Variants in SGF29 observed in about 807,000 individuals in gnomAD.
SGF29 encodes SAGA complex associated factor 29.
In SGF29, 15 loss-of-function variants were observed where a neutral mutation model predicts 38.1. That is an observed-to-expected ratio of 0.39 (90% CI 0.26 to 0.61). The LOEUF (loss-of-function observed/expected upper bound fraction) is 0.61. Ranked by LOEUF, SGF29 falls within the 20% of genes least tolerant of loss-of-function variation. SGF29 has a pLI of 0.49. For synonymous variants in SGF29, 151 were observed against 160.8 expected (o/e 0.94, Z 0.46); for missense variants, 184 against 394.6 (o/e 0.47, Z 4.52).
intron 2 of SGF29, among the ~76,000 whole-genome samples, chr16:28,583,420 G>T (rs1443137000): frequency 1.3e-5 from 2 of 152,166 alleles, no homozygotes; most frequent in East Asian, 3.8e-4. Context: ...TTTATATAGG[G>T]TGGGGTTACA....
At chr16:28,583,791 G>A (rs964986464) in intron 2 of SGF29, among the ~76,000 whole-genome samples, 11 of 152,116 alleles carry the variant, frequency 7.2e-5, no homozygotes, top group Admixed American at 2.6e-4. Context: ...CCGTAGCTTC[G>A]TAATAAATTT....
At chr16:28,573,403 ACT>A (rs1463189419) in intron 1 of SGF29, among the ~76,000 whole-genome samples, 2 of 151,904 alleles carry the variant, frequency 1.3e-5, no homozygotes, top group Non-Finnish European at 2.9e-5. Context: ...GGGGCTGTTG[ACT>A]CTCTTGATGA....
Position 28,591,652 on chromosome 16 carries a change from C to G in SGF29, c.828C>G (p.Pro276=). The change falls in exon 10 of 10, where the codon CCC becomes CCG. Residue 276 remains proline, a synonymous_variant. Coordinates refer to ENST00000317058, the MANE Select transcript of SGF29 (RefSeq NM_138414.3). ...CCTATGCAGATGGCTATTCCCCTCC[C>G]CTCAATGTGGCTCAGAGATACGTGG... is the stretch of plus-strand genomic sequence containing the variant. ...DTSYADGYSP[P]LNVAQRYVVA... is the part of the protein sequence containing the mutation. 3 of 1,614,146 alleles carry G rather than the reference C, an allele frequency of 1.9e-6. No individual in the cohort carries two copies. The highest frequency in any genetic ancestry group is 1.1e-5 in the South Asian group (1 of 91,086).
chr16:28,565,976 G>A (rs1384323674), intron 1 of SGF29, among the ~76,000 whole-genome samples: 3 of 152,008 alleles, frequency 2.0e-5, no homozygotes, highest in Non-Finnish European at 2.9e-5. Context: ...TACAGTGCTA[G>A]AAAGAGGGTC....
chr16:28,582,082 G>T (rs1596605654), intron 2 of SGF29, among the ~76,000 whole-genome samples: 1 of 152,164 alleles, frequency 6.6e-6, no homozygotes, highest in East Asian at 1.9e-4. Context: ...TCAGTTTGCT[G>T]GCAGTTGTGC....
At chr16:28,554,699 A>G (rs1192120329) in intron 1 of SGF29, among the ~76,000 whole-genome samples, 2 of 152,064 alleles carry the variant, frequency 1.3e-5, no homozygotes, top group Admixed American at 6.6e-5. Context: ...TTTGCAGCCA[A>G]AGGCCTTAGT....
intron 1 of SGF29, among the ~76,000 whole-genome samples, chr16:28,564,784 T>TACACAC (rs1394106412): frequency 8.5e-6 from 1 of 118,124 alleles, no homozygotes; most frequent in African/African-American, 3.2e-5. Flanking sequence ...TATATATATA[T>TACACAC]ATACACACAC....
intron 1 of SGF29, among the ~76,000 whole-genome samples, chr16:28,568,802 A>G (rs1306255902): frequency 1.3e-5 from 2 of 152,064 alleles, no homozygotes; most frequent in Non-Finnish European, 2.9e-5. Flanking sequence ...AATCTCAGCT[A>G]CTTGGGAGGC....
intron 1 of SGF29, among the ~76,000 whole-genome samples, chr16:28,558,586 T>C (rs2046767441): frequency 6.6e-6 from 1 of 152,192 alleles, no homozygotes; most frequent in African/African-American, 2.4e-5. Context: ...AAATGCCTTG[T>C]CATGAGGCAT....
intron 1 of SGF29, among the ~76,000 whole-genome samples, chr16:28,574,706 T>G (rs1304082573): frequency 6.6e-6 from 1 of 152,216 alleles, no homozygotes; most frequent in African/African-American, 2.4e-5. Flanking sequence ...AGCTTGCATC[T>G]TCTGTCCACA....
chr16:28,580,731 G>C (rs2046920151), intron 1 of SGF29, among the ~76,000 whole-genome samples: 1 of 152,140 alleles, frequency 6.6e-6, no homozygotes, highest in African/African-American at 2.4e-5. Context: ...CATGTAGGCT[G>C]GAGTGCAATG....
At chr16:28,564,870 A>G (rs546953696) in intron 1 of SGF29, among the ~76,000 whole-genome samples, 1 of 149,926 alleles carries the variant, frequency 6.7e-6, no homozygotes, top group African/African-American at 2.5e-5. Context: ...TACAAGGTGA[A>G]ATCCCATGAT....
intron 1 of SGF29, among the ~76,000 whole-genome samples, chr16:28,561,351 G>A (rs2046788690): frequency 6.6e-6 from 1 of 152,130 alleles, no homozygotes; most frequent in South Asian, 2.1e-4. Flanking sequence ...TGGCCAACAT[G>A]GTTAAACCCT....
chr16:28,565,480 C>T (rs569423727), intron 1 of SGF29, among the ~76,000 whole-genome samples: 3 of 152,076 alleles, frequency 2.0e-5, no homozygotes, highest in South Asian at 2.1e-4. Context: ...GGAGAAGTGA[C>T]GATGGTAGGT....
intron 1 of SGF29, among the ~76,000 whole-genome samples, chr16:28,559,709 C>T (rs193620): frequency 6.6e-6 from 1 of 152,100 alleles, no homozygotes; most frequent in Non-Finnish European, 1.5e-5. Flanking sequence ...TCTGCCTAAA[C>T]CTCTGAACTA....
At chr16:28,573,430 C>G (rs2046877034) in intron 1 of SGF29, among the ~76,000 whole-genome samples, 1 of 152,068 alleles carries the variant, frequency 6.6e-6, no homozygotes, top group Non-Finnish European at 1.5e-5. Flanking sequence ...CTGATGAGGA[C>G]AGAGCTAGAG....
At chr16:28,585,462 A>C (rs1596607233) in intron 3 of SGF29, 186 bp from the exon 4 acceptor site, 2 of 627,392 alleles carry the variant, frequency 3.2e-6, no homozygotes, top group East Asian at 2.7e-5. Flanking sequence ...CATTTGTACC[A>C]TATGGAAATG....
At chr16:28,554,717 CA>C (rs2046736898) in intron 1 of SGF29, among the ~76,000 whole-genome samples, 2 of 152,170 alleles carry the variant, frequency 1.3e-5, no homozygotes, top group South Asian at 4.1e-4. Flanking sequence ...AGTCTACCCT[CA>C]CTAATGCCTT....
chr16:28,582,291 A>T (rs2046930673), intron 2 of SGF29, among the ~76,000 whole-genome samples: 1 of 152,184 alleles, frequency 6.6e-6, no homozygotes, highest in African/African-American at 2.4e-5. Context: ...AGCGGTAGCC[A>T]GGGCCTTGGG....
Sources: gnomAD v4.1 joint callset for allele counts (sites outside exome capture counted in the v4.1 genomes callset) on GRCh38, gnomAD v4.1.1 for gene constraint, MANE v1.5 for transcripts, NCBI Gene and HGNC (gene_info 2026-07-23, HGNC 2026-07-21) for gene names.